Variants in TAF4B observed in about 807,000 individuals in gnomAD.
TAF4B encodes transcription initiation factor TFIID subunit 4B.
TAF4B carries 38 observed loss-of-function variants against 86.4 expected under a neutral mutation model. The ratio of observed to expected loss-of-function variants is 0.44; its 90% CI spans 0.34 to 0.58. The LOEUF (loss-of-function observed/expected upper bound fraction) is 0.58, where lower values mean the gene tolerates loss of function less well. TAF4B is among the 20% of genes least tolerant of loss of function. The pLI is 0.02. For synonymous variants in TAF4B, 388 were observed against 391.2 expected, an observed-to-expected ratio of 0.99 and a Z score of 0.10; for missense variants, 988 against 1,027.6, an observed-to-expected ratio of 0.96 and a Z score of 0.53.
chr18:26,261,294 G>A lies in TAF4B; in HGVS notation c.344-3876G>A, dbSNP rs369720551. ...CGGCTCACTGCAAGCTCCGCCTCCCGGGTTCACGCCATTCTCCTGCCTCAG... is the reference window on the plus strand; with the variant it reads ...CGGCTCACTGCAAGCTCCGCCTCCCAGGTTCACGCCATTCTCCTGCCTCAG... On this transcript the variant is annotated intron_variant, in intron 1 of 14. Coordinates refer to ENST00000269142, the MANE Select transcript of TAF4B (RefSeq NM_005640.3). Among the ~76,000 whole-genome samples the A allele has an allele frequency of 8.7e-3, 1,256 of 144,032 alleles. 22 individuals are homozygous for A. Among genetic ancestry groups the A allele is most frequent in the African/African-American group, 0.03 (1,204 of 40,098 alleles). 94.5% of individuals were successfully genotyped at this position (144,032 alleles called of 152,430 possible).
chr18:26,347,034 C>T (rs1346255025), intron 13 of TAF4B, among the ~76,000 whole-genome samples: 7 of 148,204 alleles, frequency 4.7e-5, no homozygotes, highest in Non-Finnish European at 1.0e-4. Context: ...CATTCTCCTG[C>T]GTCAGCCTCC....
At chr18:26,231,138 C>T (rs144311102) in intron 1 of TAF4B, among the ~76,000 whole-genome samples, 44 of 142,700 alleles carry the variant, frequency 3.1e-4, no homozygotes, top group African/African-American at 9.2e-4. Flanking sequence ...CTCCCGGGTT[C>T]AAGCGATTGT....
At chr18:26,346,819 G>GTGTATATATATATA (rs2057192890) in intron 13 of TAF4B, among the ~76,000 whole-genome samples, 3 of 17,806 alleles carry the variant, frequency 1.7e-4, no homozygotes, top group South Asian at 2.0e-3. Flanking sequence ...ATATATATGT[G>GTGTATATATATATA]TGTGTATATA....
chr18:26,295,570 G>A (rs749497194), intron 9 of TAF4B, among the ~76,000 whole-genome samples: 5 of 152,178 alleles, frequency 3.3e-5, no homozygotes, highest in African/African-American at 4.8e-5. Context: ...AGTAATGCTC[G>A]CTTGCGCACC....
intron 1 of TAF4B, among the ~76,000 whole-genome samples, chr18:26,243,990 C>T (rs2055882724): frequency 6.6e-6 from 1 of 152,206 alleles, no homozygotes; most frequent in Non-Finnish European, 1.5e-5. Context: ...GTCAGTTGGC[C>T]CCTACTGGGA....
chr18:26,228,650 C>T (rs1405920743), intron 1 of TAF4B, among the ~76,000 whole-genome samples: 1 of 151,574 alleles, frequency 6.6e-6, no homozygotes, highest in Non-Finnish European at 1.5e-5. Flanking sequence ...TAAGAAAGAA[C>T]TGTCTGAGAG....
rs1251695991 is a variant in TAF4B at position 26,374,114 on chromosome 18, T to C, written c.2422-15731T>C. 2.0e-5 allele frequency among the ~76,000 whole-genome samples: 3 copies of C among 152,324 alleles called. No homozygotes were observed. In the East Asian group the frequency reaches 5.8e-4, roughly 29 times the overall value. ...AAGTATTTCTAGTGTTACATTCCACTGTCCCATTAAGTATTTCAGTTACTG... is the reference window on the plus strand; with the variant it reads ...AAGTATTTCTAGTGTTACATTCCACCGTCCCATTAAGTATTTCAGTTACTG... On this transcript the variant is annotated intron_variant, in intron 14 of 14. Coordinates refer to ENST00000269142, the MANE Select transcript of TAF4B (RefSeq NM_005640.3).
intron 6 of TAF4B, among the ~76,000 whole-genome samples, chr18:26,285,487 C>T (rs112132904): frequency 6.0e-4 from 91 of 151,972 alleles, no homozygotes; most frequent in African/African-American, 2.2e-3. Context: ...GCACCTATTT[C>T]TATCCAAAGT....
chr18:26,390,519 A>C lies in TAF4B; in HGVS notation c.*507A>C, dbSNP rs898083605. ...CTGTACGTGACAGGCCACTGTGGTG[A>C]CTTTGGTCGGCTGAGTTCCAGTGTT... On this transcript the variant is annotated 3_prime_UTR_variant, in exon 15 of 15. Transcript: ENST00000269142. 2.6e-5 allele frequency: 4 copies of C among 152,314 alleles called. No homozygotes were observed. Among genetic ancestry groups the C allele is most frequent in the African/African-American group, 9.7e-5 (4 of 41,448 alleles). 9.4% of individuals were successfully genotyped at this position (152,314 alleles called of 1,614,324 possible).
In TAF4B at chr18:26,321,170, A is replaced by G; in HGVS notation, c.2103A>G (p.Ala701=). 2 of 1,613,878 alleles carry G rather than the reference A, an allele frequency of 1.2e-6. No individual in the cohort carries two copies. The highest frequency in any genetic ancestry group is 1.7e-6 in the Non-Finnish European group (2 of 1,179,806). ...GAGGCCTTCTAGAAAAACTGACTGC[A>G]ATTGCTCAGCATCGAATGACTACTT... The part of the protein sequence containing the change: ...RLRGLLEKLT[A]IAQHRMTTYK... Residue 701 remains alanine (A), a synonymous_variant, in exon 11 of 15, where the codon GCA becomes GCG. Transcript: ENST00000269142.
At chr18:26,306,068 G>A (rs1157407589) in intron 9 of TAF4B, among the ~76,000 whole-genome samples, 1 of 152,156 alleles carries the variant, frequency 6.6e-6, no homozygotes, top group Non-Finnish European at 1.5e-5. Context: ...CAAGGATCAC[G>A]GTCTGTGGTG....
intron 1 of TAF4B, among the ~76,000 whole-genome samples, chr18:26,240,053 A>G (rs1219161333): frequency 2.0e-5 from 3 of 152,080 alleles, no homozygotes; most frequent in African/African-American, 7.2e-5. Context: ...TTGGCTTATG[A>G]TTGTCTTGGC....
chr18:26,251,242 AATCTGCGTTTTCCT>A (rs2056002193), intron 1 of TAF4B, among the ~76,000 whole-genome samples: 1 of 152,178 alleles, frequency 6.6e-6, no homozygotes, highest in Non-Finnish European at 1.5e-5. Flanking sequence ...GACACAAAGA[AATCTGCGTTTTCCT>A]AACCCTGGAC....
intron 1 of TAF4B, among the ~76,000 whole-genome samples, chr18:26,254,303 A>AT (rs79806318): frequency 0.14 from 20,429 of 151,140 alleles, 1,497 homozygotes; most frequent in Non-Finnish European, 0.16. Flanking sequence ...AGTTTTGTTT[A>AT]TTTTTTTTCC....
chr18:26,229,769 C>G (rs2055635981), intron 1 of TAF4B, among the ~76,000 whole-genome samples: 1 of 152,106 alleles, frequency 6.6e-6, no homozygotes, highest in South Asian at 2.1e-4. Context: ...TCTCAGAGTG[C>G]TGGGATTACA....
intron 1 of TAF4B, among the ~76,000 whole-genome samples, chr18:26,259,214 G>A (rs530981064): frequency 6.8e-6 from 1 of 146,672 alleles, no homozygotes; most frequent in South Asian, 2.2e-4. Context: ...CTCTCTTTCT[G>A]GTACTAACAT....
At chr18:26,378,799 A>AT (rs2144371246) in intron 14 of TAF4B, among the ~76,000 whole-genome samples, 1 of 152,250 alleles carries the variant, frequency 6.6e-6, no homozygotes, top group East Asian at 1.9e-4. Flanking sequence ...TGGGAACCAT[A>AT]TGATAATGTA....
At chr18:26,255,437 C>T (rs1364053692) in intron 1 of TAF4B, among the ~76,000 whole-genome samples, 4 of 151,788 alleles carry the variant, frequency 2.6e-5, no homozygotes, top group Non-Finnish European at 5.9e-5. Context: ...AACCCTGTCT[C>T]TACTAAAACT....
At position 26,286,474 on chromosome 18, in the gene TAF4B, C is replaced by T; in HGVS notation, c.1565C>T (p.Pro522Leu). Residue 522 changes from proline (P) to leucine (L), a missense_variant, in exon 7 of 15, where the codon CCA (proline) becomes CTA (leucine). Physicochemically the swap from Pro to Leu is moderately conservative, Grantham distance 98. Around this residue, in one of 3 missense-constraint regions of TAF4B, gnomAD observed 747 missense variants for 737.9 expected, o/e 1.01. Coordinates refer to ENST00000269142, the MANE Select transcript of TAF4B (RefSeq NM_005640.3). ...GTCCTTTCACAACCAGCTGGGATTC[C>T]ACAGGCAGTTCAAGTCAAGCAACTA... is the stretch of plus-strand genomic sequence containing the variant. ...GPVLSQPAGI[P>L]QAVQVKQLVV... 3.1e-6 allele frequency: 5 copies of T among 1,611,650 alleles called. No individual in the cohort carries two copies. In the South Asian group the frequency reaches 5.5e-5, roughly 18 times the overall value.
Sources: gnomAD v4.1 joint callset for allele counts (sites outside exome capture counted in the v4.1 genomes callset) on GRCh38, gnomAD v4.1.1 for gene constraint, gnomAD v4.1.1 regional missense constraint, MANE v1.5 for transcripts, NCBI Gene and HGNC (gene_info 2026-07-23, HGNC 2026-07-21) for gene names.